Variants in TGM3 observed in about 807,000 individuals in gnomAD.
TGM3 encodes transglutaminase 3.
In TGM3, 52 loss-of-function variants were observed where a neutral mutation model predicts 73.8. The ratio of observed to expected loss-of-function variants is 0.70; its 90% CI spans 0.56 to 0.89. The LOEUF is 0.89. TGM3 is among the 40% of genes least tolerant of loss of function. The probability of loss-of-function intolerance (pLI) is 0.00; values close to 1 mark genes in which losing one functional copy is unlikely to be tolerated. For synonymous variants in TGM3, 372 were observed against 354.9 expected (o/e 1.05, Z -0.54); for missense variants, 928 against 909.9 (o/e 1.02, Z -0.26).
chr20:2,302,116 C>T (rs1277464912), intron 1 of TGM3, among the ~76,000 whole-genome samples: 1 of 152,172 alleles, frequency 6.6e-6, no homozygotes, highest in Non-Finnish European at 1.5e-5. Context: ...TAGGGATAGT[C>T]CCAGCCACTA....
chr20:2,331,143 C>G (rs896347411), intron 9 of TGM3, among the ~76,000 whole-genome samples: 12 of 152,230 alleles, frequency 7.9e-5, no homozygotes, highest in African/African-American at 2.9e-4. Flanking sequence ...AACATGGTCA[C>G]TCTTCCTTGT....
At chr20:2,299,915 C>G (rs6075897) in intron 1 of TGM3, among the ~76,000 whole-genome samples, 1 of 151,886 alleles carries the variant, frequency 6.6e-6, no homozygotes. Context: ...CTGGCCAATA[C>G]GACAAAATCT....
chr20:2,311,146 G>A lies in TGM3; in HGVS notation c.540+17G>A. 1 of 1,603,850 alleles carries A rather than the reference G, an allele frequency of 6.2e-7. No homozygotes were observed. Among genetic ancestry groups the A allele is most frequent in the Non-Finnish European group, 8.5e-7 (1 of 1,170,716 alleles). Reference sequence around the variant, plus strand: ...TTTGGACAGGTAAAAGGGTCATAAGGAAGCTAAGGGTAATGTCCCTGTTAC... The same window carrying A: ...TTTGGACAGGTAAAAGGGTCATAAGAAAGCTAAGGGTAATGTCCCTGTTAC... On this transcript the variant is annotated intron_variant, in intron 4 of 12. Coordinates refer to ENST00000381458, the MANE Select transcript of TGM3 (RefSeq NM_003245.4).
chr20:2,339,083 A>G (rs1014860961), intron 11 of TGM3, among the ~76,000 whole-genome samples: 8 of 152,264 alleles, frequency 5.3e-5, no homozygotes, highest in Non-Finnish European at 2.9e-5. Flanking sequence ...AATGGTGCAC[A>G]GGGAACCTCT....
At chr20:2,300,071 C>G (rs1305388950) in intron 1 of TGM3, among the ~76,000 whole-genome samples, 1 of 147,228 alleles carries the variant, frequency 6.8e-6, no homozygotes, top group Non-Finnish European at 1.5e-5. Context: ...CACACCACTA[C>G]ACTCCAGCTT....
At chr20:2,302,412 A>T (rs1600690173) in intron 1 of TGM3, among the ~76,000 whole-genome samples, 1 of 152,022 alleles carries the variant, frequency 6.6e-6, no homozygotes, top group African/African-American at 2.4e-5. Flanking sequence ...TTTGGCTGTG[A>T]TTAACAGTGA....
intron 5 of TGM3, among the ~76,000 whole-genome samples, chr20:2,315,684 T>C (rs1272642722): frequency 1.3e-5 from 2 of 152,184 alleles, no homozygotes; most frequent in Non-Finnish European, 2.9e-5. Flanking sequence ...ACAGCCAAAG[T>C]TTCATAAACC....
chr20:2,329,025 G>C (rs1305940135), intron 9 of TGM3, among the ~76,000 whole-genome samples: 1 of 152,178 alleles, frequency 6.6e-6, no homozygotes, highest in Non-Finnish European at 1.5e-5. Context: ...GCATCTCTTG[G>C]AGCATTCTCA....
rs191199076 is a variant in TGM3, at chr20:2,325,936, G to A, written c.1071G>A (p.Pro357=). 61 of 1,593,726 alleles carry A rather than the reference G, an allele frequency of 3.8e-5. No individual in the cohort carries two copies. Among genetic ancestry groups the A allele is most frequent in the African/African-American group, 2.4e-4 (18 of 74,604 alleles). The change falls in exon 8 of 13, where the codon CCG becomes CCA. Residue 357 remains proline (P), a synonymous_variant. Coordinates refer to ENST00000381458, the MANE Select transcript of TGM3 (RefSeq NM_003245.4). The part of the protein sequence containing the change: ...YGGWQVLDAT[P]QERSQGVFQC... Reference sequence around the variant, plus strand: ...GATGGCAGGTGTTGGATGCTACCCCGCAGGAAAGAAGCCAAGGTAACTTCT... The same window carrying A: ...GATGGCAGGTGTTGGATGCTACCCCACAGGAAAGAAGCCAAGGTAACTTCT...
intron 9 of TGM3, among the ~76,000 whole-genome samples, chr20:2,330,670 T>C (rs1365815523): frequency 6.6e-6 from 1 of 152,174 alleles, no homozygotes; most frequent in African/African-American, 2.4e-5. Context: ...AAATCACATG[T>C]AATTTATGGG....
intron 7 of TGM3, among the ~76,000 whole-genome samples, chr20:2,325,386 G>C (rs935695625): frequency 1.3e-5 from 2 of 152,134 alleles, no homozygotes; most frequent in African/African-American, 4.8e-5. Flanking sequence ...TCTTAGATAA[G>C]TCAGCCACTC....
rs879616027 is a variant in TGM3 at position 2,296,005 on chromosome 20, GT to G, written c.-58del. 7.1e-6 allele frequency: 11 copies of G among 1,547,788 alleles called. No individual in the cohort carries two copies. The highest frequency in any genetic ancestry group is 9.6e-6 in the Non-Finnish European group (11 of 1,143,672). ...TAAGGCAATCCTTGGCAGCCTGTCT[GT>G]CAGCACTGTCCGTGCCATTCCCAGA... On this transcript the variant is annotated 5_prime_UTR_variant, in exon 1 of 13. Transcript: ENST00000381458.
Position 2,325,921 on chromosome 20 carries a change from G to T in TGM3, c.1056G>T (p.Val352=). ...DLGPSYGGWQ[V]LDATPQERSQ... is the part of the protein sequence containing the mutation. Reference sequence around the variant, plus strand: ...GCCCCTCGTACGGTGGATGGCAGGTGTTGGATGCTACCCCGCAGGAAAGAA... The same window carrying T: ...GCCCCTCGTACGGTGGATGGCAGGTTTTGGATGCTACCCCGCAGGAAAGAA... Residue 352 remains valine (V), a synonymous_variant, in exon 8 of 13, where the codon GTG becomes GTT. Transcript: ENST00000381458. 1 of 1,595,734 alleles carries T rather than the reference G, an allele frequency of 6.3e-7. No homozygotes were observed.
In TGM3 at chr20:2,311,066, T is replaced by C. The variant is rs1443259408; in HGVS notation, c.477T>C (p.Asp159=). The stretch of plus-strand genomic sequence containing the variant: ...AGAGAGAAGAGTATGTTCAGGAAGA[T>C]GCCGGCATCATCTTTGTGGGAAGCA... The part of the protein sequence containing the change: ...HAEREEYVQE[D]AGIIFVGSTN... Residue 159 remains aspartate (D), a synonymous_variant, in exon 4 of 13, where the codon GAT becomes GAC. Transcript: ENST00000381458. The C allele has an allele frequency of 1.2e-6, 2 of 1,614,148 alleles. No individual in the cohort carries two copies. The highest frequency in any genetic ancestry group is 2.2e-5 in the East Asian group (1 of 44,876).
intron 1 of TGM3, among the ~76,000 whole-genome samples, chr20:2,305,258 T>C (rs990151439): frequency 3.9e-4 from 5 of 12,968 alleles, no homozygotes; most frequent in African/African-American, 5.2e-4. Context: ...CTCTAGTCAC[T>C]GGTTGGTTCC....
At chr20:2,316,186 A>C (rs1372035827) in intron 5 of TGM3, among the ~76,000 whole-genome samples, 1 of 152,246 alleles carries the variant, frequency 6.6e-6, no homozygotes, top group African/African-American at 2.4e-5. Context: ...GAATAAATGA[A>C]TGAGTAAACT....
At chr20:2,335,779 A>T (rs1220327966) in intron 11 of TGM3, among the ~76,000 whole-genome samples, 1 of 152,114 alleles carries the variant, frequency 6.6e-6, no homozygotes, top group African/African-American at 2.4e-5. Flanking sequence ...AATAGGCCTG[A>T]CCCACAGCAT....
intron 12 of TGM3, 70 bp downstream of exon 12, chr20:2,340,057 G>A (rs2084373141): frequency 2.0e-6 from 3 of 1,512,278 alleles, no homozygotes; most frequent in Non-Finnish European, 1.8e-6. Flanking sequence ...AGATCCCCTG[G>A]GTGGGACAGA....
In TGM3 at chr20:2,340,862, C is replaced by T. The variant is rs1364556175; in HGVS notation, c.*281C>T. ...GCCCCACAGCCCTGCTCATTCCTCA[C>T]GCCCTTCAATGCTGCAGGATGGACT... On this transcript the variant is annotated 3_prime_UTR_variant, in exon 13 of 13. Transcript: ENST00000381458. 5 of 565,698 alleles carry T rather than the reference C, an allele frequency of 8.8e-6. No homozygotes were observed. Among genetic ancestry groups the T allele is most frequent in the East Asian group, 4.3e-5 (1 of 23,346 alleles). 35.0% of individuals were successfully genotyped at this position (565,698 alleles called of 1,614,324 possible). A position where few individuals can be genotyped will look rare whatever the true frequency, so the allele number is the denominator to read the frequency against.
Sources: allele counts gnomAD v4.1 joint callset (sites outside exome capture counted in the v4.1 genomes callset), GRCh38; gene constraint gnomAD v4.1.1; transcripts MANE v1.5; gene names NCBI Gene and HGNC (gene_info 2026-07-23, HGNC 2026-07-21).